The following ASTN2 variants were observed in gnomAD, a reference collection of about 807,000 sequenced individuals.
ASTN2 encodes the protein astrotactin 2, also known as astrotactin-2.
ASTN2 carries 54 observed loss-of-function variants against 139.8 expected under a neutral mutation model. The ratio of observed to expected loss-of-function variants is 0.39; its 90% CI spans 0.31 to 0.48. The LOEUF (loss-of-function observed/expected upper bound fraction) is 0.48. Among genes scored for constraint, ASTN2 ranks in the 20% least tolerant of loss-of-function variants. The pLI, the probability that ASTN2 is intolerant of heterozygous loss-of-function variation, is 0.95. For missense variants in ASTN2, 1,565 were observed against 1,725.1 expected, an observed-to-expected ratio of 0.91 and a Z score of 1.64; for synonymous variants, 756 against 719.5, an observed-to-expected ratio of 1.05 and a Z score of -0.81.
At chr9:116,803,280 T>C (rs1006777468) in intron 13 of ASTN2, among the ~76,000 whole-genome samples, 13 of 150,314 alleles carry the variant, frequency 8.6e-5, no homozygotes, top group African/African-American at 2.9e-4. Context: ...CAGACTATCC[T>C]TAAATTTTTC....
At position 117,128,041 on chromosome 9, in the gene ASTN2, G is replaced by T. The variant is rs115189244; in HGVS notation, c.1168+13285C>A. 6.0e-3 allele frequency among the ~76,000 whole-genome samples: 919 copies of T among 152,120 alleles called. 8 individuals are homozygous for T. Among genetic ancestry groups the T allele is most frequent in the African/African-American group, 0.021 (890 of 41,482 alleles). On this transcript the variant is annotated intron_variant, in intron 4 of 22. Transcript: ENST00000313400. ...GGGAATAAGAAACACGGATTGGTTT[G>T]GTCAGGGAAGAAATCATAGGGAGTG...
intron 4 of ASTN2, among the ~76,000 whole-genome samples, chr9:117,100,241 C>T (rs1828943829): frequency 1.3e-5 from 2 of 152,332 alleles, no homozygotes; most frequent in African/African-American, 2.4e-5. Context: ...CTGGTCAAGC[C>T]TCCATTTCCA....
At chr9:117,041,989 C>G (rs1454903019) in intron 5 of ASTN2, among the ~76,000 whole-genome samples, 1 of 152,158 alleles carries the variant, frequency 6.6e-6, no homozygotes, top group African/African-American at 2.4e-5. Flanking sequence ...ACAGCCAACT[C>G]CTTGAAGGCA....
intron 19 of ASTN2, among the ~76,000 whole-genome samples, chr9:116,600,275 G>T (rs1446740488): frequency 2.1e-5 from 3 of 145,406 alleles, no homozygotes; most frequent in Non-Finnish European, 3.0e-5. Context: ...AGCGAGGTGT[G>T]ATTGGGCCCC....
At chr9:116,533,180 A>G (rs895773544) in intron 19 of ASTN2, among the ~76,000 whole-genome samples, 2 of 152,134 alleles carry the variant, frequency 1.3e-5, no homozygotes, top group South Asian at 2.1e-4. Context: ...TTGGTGTATA[A>G]GAATGCTTGT....
intron 4 of ASTN2, among the ~76,000 whole-genome samples, chr9:117,130,514 G>A (rs547156882): frequency 1.3e-5 from 2 of 152,178 alleles, no homozygotes; most frequent in East Asian, 3.9e-4. Context: ...CTCATAGCTT[G>A]GCTTTGCATT....
chr9:117,006,442 G>C (rs1204573438), intron 7 of ASTN2, among the ~76,000 whole-genome samples: 3 of 152,080 alleles, frequency 2.0e-5, no homozygotes, highest in Non-Finnish European at 4.4e-5. Flanking sequence ...TCTATTCTCA[G>C]TAATAAATTC....
In ASTN2 at chr9:116,639,487, A is replaced by C. The variant is rs553970446; in HGVS notation, c.3072+12041T>G. The stretch of plus-strand genomic sequence containing the variant: ...TAGGAAGAAATAGAAAGAGAGTTGG[A>C]TTGTTTGTGAATTCTCTCCAGGCCC... On this transcript the variant is annotated intron_variant, in intron 17 of 22. Coordinates refer to ENST00000313400, the MANE Select transcript of ASTN2 (RefSeq NM_001365068.1). Among the ~76,000 whole-genome samples, 5 of 152,080 alleles carry C rather than the reference A, an allele frequency of 3.3e-5. No individual in the cohort carries two copies. In the East Asian group the frequency reaches 7.7e-4, roughly 24 times the overall value.
chr9:117,392,831 T>C (rs934619874), intron 1 of ASTN2, among the ~76,000 whole-genome samples: 1 of 151,854 alleles, frequency 6.6e-6, no homozygotes, highest in African/African-American at 2.4e-5. Flanking sequence ...GCAGAGGAGG[T>C]TGAGAAAGAG....
At chr9:117,036,885 G>A (rs1370474531) in intron 6 of ASTN2, among the ~76,000 whole-genome samples, 19 of 151,974 alleles carry the variant, frequency 1.3e-4, no homozygotes, top group Admixed American at 9.8e-4. Context: ...CAGTCCTTTC[G>A]GCATCTGCAG....
chr9:116,460,907 C>T (rs1848467265), intron 20 of ASTN2, among the ~76,000 whole-genome samples: 1 of 152,116 alleles, frequency 6.6e-6, no homozygotes, highest in Non-Finnish European at 1.5e-5. Flanking sequence ...ATGGTAACAG[C>T]ACAATACATA....
chr9:117,351,162 C>T (rs952766722), intron 1 of ASTN2, among the ~76,000 whole-genome samples: 1 of 152,112 alleles, frequency 6.6e-6, no homozygotes, highest in Non-Finnish European at 1.5e-5. Context: ...ACTTAAGATA[C>T]ATCCATGATG....
intron 13 of ASTN2, among the ~76,000 whole-genome samples, chr9:116,739,531 A>G (rs1322183494): frequency 6.6e-6 from 1 of 152,038 alleles, no homozygotes; most frequent in Non-Finnish European, 1.5e-5. Flanking sequence ...ACTCCTACTC[A>G]TCATTCAGAC....
chr9:117,138,970 A>C (rs1307229398), intron 4 of ASTN2, among the ~76,000 whole-genome samples: 1 of 152,210 alleles, frequency 6.6e-6, no homozygotes, highest in Non-Finnish European at 1.5e-5. Flanking sequence ...ATGATGCATA[A>C]AAATAATATT....
chr9:117,105,510 C>A (rs1482628296), intron 4 of ASTN2, among the ~76,000 whole-genome samples: 1 of 152,196 alleles, frequency 6.6e-6, no homozygotes, highest in Admixed American at 6.5e-5. Context: ...AAGCTGAAGT[C>A]CAGTCCTTGT....
chr9:117,027,734 A>T (rs1381339256), intron 6 of ASTN2, among the ~76,000 whole-genome samples: 2 of 152,164 alleles, frequency 1.3e-5, no homozygotes, highest in East Asian at 1.9e-4. Flanking sequence ...ATATGTCCTG[A>T]TGGTTCAGAT....
In ASTN2 at chr9:116,699,217, AGCTTTGGT is replaced by A; in HGVS notation, c.2806+26546_2806+26553del. The A allele has an allele frequency of 6.2e-7, 1 of 1,614,220 alleles. No individual in the cohort carries two copies. Among genetic ancestry groups the A allele is most frequent in the East Asian group, 2.2e-5 (1 of 44,866 alleles). The stretch of plus-strand genomic sequence containing the variant: ...GTAGTAACCGATGTGGAAGGTGGAA[AGCTTTGGT>A]GTTTCACAGTTGATCGAGGATCAGG... On this transcript the variant is annotated intron_variant, in intron 16 of 22. Transcript: ENST00000313400. The surrounding 1 kb of genome is among the most constrained non-coding windows in gnomAD (Gnocchi z 4.2).
chr9:117,067,783 T>C (rs1467785047), intron 5 of ASTN2, among the ~76,000 whole-genome samples: 1 of 89,994 alleles, frequency 1.1e-5, no homozygotes, highest in Non-Finnish European at 2.5e-5. Flanking sequence ...TGAATGGGAG[T>C]TCACTCATGA....
chr9:116,743,755 G>A (rs899158969), intron 13 of ASTN2, among the ~76,000 whole-genome samples: 2 of 152,100 alleles, frequency 1.3e-5, no homozygotes, highest in African/African-American at 4.8e-5. Context: ...TGCCCACTTC[G>A]CCCTCCCAAA....
Sources: gnomAD v4.1 joint callset for allele counts (sites outside exome capture counted in the v4.1 genomes callset) on GRCh38, gnomAD v4.1.1 for gene constraint, Gnocchi (gnomAD v3.1) non-coding constraint, MANE v1.5 for transcripts, NCBI Gene and HGNC (gene_info 2026-07-23, HGNC 2026-07-21) for gene names.